The following IGF1R variants were observed in gnomAD, a reference collection of about 807,000 sequenced individuals.
The protein encoded by IGF1R is insulin like growth factor 1 receptor, also known as insulin-like growth factor 1 receptor.
In IGF1R, 44 loss-of-function variants were observed where a neutral mutation model predicts 144.6. The ratio of observed to expected loss-of-function variants is 0.30; its 90% confidence interval spans 0.24 to 0.39. The LOEUF (loss-of-function observed/expected upper bound fraction) is 0.39, where lower values mean the gene tolerates loss of function less well. IGF1R is among the 10% of genes least tolerant of loss of function. The pLI, the probability that IGF1R is intolerant of heterozygous loss-of-function variation, is 1.00. For missense variants in IGF1R, 1,355 were observed against 1,833.7 expected, an observed-to-expected ratio of 0.74 and a Z score of 4.77; for synonymous variants, 795 against 722.8, an observed-to-expected ratio of 1.10 and a Z score of -1.60.
chr15:98,835,929 G>A (rs2057091881), intron 2 of IGF1R, among the ~76,000 whole-genome samples: 1 of 152,128 alleles, frequency 6.6e-6, no homozygotes, highest in Non-Finnish European at 1.5e-5. Context: ...GGGGGTACAG[G>A]GATTGTGAAG....
intron 13 of IGF1R, 30 bp downstream of exon 13, chr15:98,924,714 GTA>G: frequency 2.4e-6 from 3 of 1,262,946 alleles, no homozygotes; most frequent in African/African-American, 2.3e-5. Flanking sequence ...AAGAAACGTG[GTA>G]AAACTGAAAG....
intron 2 of IGF1R, among the ~76,000 whole-genome samples, chr15:98,759,550 G>C (rs903901641): frequency 6.6e-6 from 1 of 152,224 alleles, no homozygotes. Context: ...TCTAGAAATA[G>C]CTTCATGTCC....
rs1379930361 is a variant in IGF1R, at chr15:98,649,510, T to TTTTTC, written c.-57_-53dup. The TTTTTC allele has an allele frequency of 2.9e-4, 302 of 1,042,752 alleles. No homozygotes were observed. The highest frequency in any genetic ancestry group is 1.8e-3 in the South Asian group (127 of 71,510). 64.6% of individuals were successfully genotyped at this position (1,042,752 alleles called of 1,614,324 possible). ...GAGACTTGTTTCCTTTCATTTCCTT[T>TTTTTC]TTTTCTTTTCTTTTCTTTTTTTTTT... On this transcript the variant is annotated 5_prime_UTR_variant, in exon 1 of 21. Transcript: ENST00000650285.
intron 1 of IGF1R, among the ~76,000 whole-genome samples, chr15:98,683,459 A>G (rs1461125362): frequency 6.6e-6 from 1 of 152,214 alleles, no homozygotes; most frequent in African/African-American, 2.4e-5. Context: ...GGGCTTTGCA[A>G]AGGGACTTTT....
chr15:98,749,181 T>A (rs1202287377), intron 2 of IGF1R, among the ~76,000 whole-genome samples: 1 of 138,086 alleles, frequency 7.2e-6, no homozygotes, highest in Admixed American at 7.3e-5. Flanking sequence ...TTTTTTTTTT[T>A]ACAGAATAAA....
At chr15:98,817,690 A>G (rs966363124) in intron 2 of IGF1R, among the ~76,000 whole-genome samples, 1 of 152,188 alleles carries the variant, frequency 6.6e-6, no homozygotes, top group Non-Finnish European at 1.5e-5. Flanking sequence ...TGCTTTGACA[A>G]ATTACTGTAG....
At chr15:98,903,757 A>C (rs921456304) in intron 5 of IGF1R, among the ~76,000 whole-genome samples, 1 of 152,248 alleles carries the variant, frequency 6.6e-6, no homozygotes, top group Non-Finnish European at 1.5e-5. Flanking sequence ...AAAAGACGTG[A>C]AGTATGACAC....
At chr15:98,694,736 G>A (rs192010443) in intron 1 of IGF1R, among the ~76,000 whole-genome samples, 1 of 152,378 alleles carries the variant, frequency 6.6e-6, no homozygotes, top group Non-Finnish European at 1.5e-5. Context: ...TTCTGGTGGG[G>A]TGGAAACTTT....
chr15:98,919,211 C>T (rs752394442), intron 10 of IGF1R, among the ~76,000 whole-genome samples: 1 of 152,216 alleles, frequency 6.6e-6, no homozygotes, highest in Admixed American at 6.5e-5. Flanking sequence ...TCTTTTCCCC[C>T]TCTTCTCCTC....
chr15:98,898,207 A>G (rs1464433), intron 4 of IGF1R, among the ~76,000 whole-genome samples: 8,375 of 152,172 alleles, frequency 0.055, 397 homozygotes, highest in East Asian at 0.14. Context: ...GCATTTCCTC[A>G]TTTACTTTTA....
At chr15:98,827,497 G>A (rs1441799266) in intron 2 of IGF1R, among the ~76,000 whole-genome samples, 1 of 152,118 alleles carries the variant, frequency 6.6e-6, no homozygotes, top group African/African-American at 2.4e-5. Flanking sequence ...CCTCAGACTT[G>A]GTAAACCAAG....
chr15:98,698,724 G>A (rs1321851585), intron 1 of IGF1R, among the ~76,000 whole-genome samples: 1 of 152,208 alleles, frequency 6.6e-6, no homozygotes, highest in Non-Finnish European at 1.5e-5. Context: ...CTGAATACTA[G>A]CCCAGTCCTT....
At chr15:98,687,448 C>T (rs979909713) in intron 1 of IGF1R, among the ~76,000 whole-genome samples, 17 of 152,138 alleles carry the variant, frequency 1.1e-4, no homozygotes, top group Admixed American at 6.5e-4. Flanking sequence ...AAAGGAATAT[C>T]GGGAGCTGAG....
At chr15:98,728,907 T>G (rs903500761) in intron 2 of IGF1R, among the ~76,000 whole-genome samples, 1 of 152,234 alleles carries the variant, frequency 6.6e-6, no homozygotes, top group African/African-American at 2.4e-5. Context: ...CTCTGCACAT[T>G]GGTGAAGAGA....
At position 98,963,737 on chromosome 15, in the gene IGF1R, A is replaced by G. The variant is rs1174017817; in HGVS notation, c.*6295A>G. Reference sequence around the variant, plus strand: ...ACTGATTACTGCTTTGTTAGAACACAGAAGAGACCCTATTTTATTTAAGGC... The same window carrying G: ...ACTGATTACTGCTTTGTTAGAACACGGAAGAGACCCTATTTTATTTAAGGC... On this transcript the variant is annotated 3_prime_UTR_variant, in exon 21 of 21. Coordinates refer to ENST00000650285, the MANE Select transcript of IGF1R (RefSeq NM_000875.5). The G allele has an allele frequency of 1.7e-5, 4 of 233,152 alleles. No individual in the cohort carries two copies. Among genetic ancestry groups the G allele is most frequent in the Non-Finnish European group, 2.5e-5 (3 of 118,012 alleles). 14.4% of individuals were successfully genotyped at this position (233,152 alleles called of 1,614,324 possible).
chr15:98,828,755 A>G (rs528699488), intron 2 of IGF1R, among the ~76,000 whole-genome samples: 1 of 149,936 alleles, frequency 6.7e-6, no homozygotes, highest in Non-Finnish European at 1.5e-5. Flanking sequence ...TATTTATCCT[A>G]ATATATTTGC....
intron 1 of IGF1R, among the ~76,000 whole-genome samples, chr15:98,694,598 G>C (rs561067905): frequency 1.3e-5 from 2 of 152,024 alleles, no homozygotes; most frequent in African/African-American, 4.8e-5. Flanking sequence ...TGCCTGATTT[G>C]CTTTAAAGGC....
chr15:98,672,757 A>C (rs961709149), intron 1 of IGF1R, among the ~76,000 whole-genome samples: 3 of 152,104 alleles, frequency 2.0e-5, no homozygotes, highest in African/African-American at 7.2e-5. Flanking sequence ...TGATTGGGTT[A>C]ACTAATTTTG....
chr15:98,753,754 T>C (rs2055080903), intron 2 of IGF1R, among the ~76,000 whole-genome samples: 1 of 152,236 alleles, frequency 6.6e-6, no homozygotes, highest in Non-Finnish European at 1.5e-5. Flanking sequence ...TTTATTACTT[T>C]TTATGATATT....
Sources: gnomAD v4.1 joint callset for allele counts (sites outside exome capture counted in the v4.1 genomes callset) on GRCh38, gnomAD v4.1.1 for gene constraint, MANE v1.5 for transcripts, NCBI Gene and HGNC (gene_info 2026-07-23, HGNC 2026-07-21) for gene names.